The following FAF1 variants were observed in gnomAD, a reference collection of about 807,000 sequenced individuals.
The protein encoded by FAF1 is Fas associated factor 1, also known as FAS-associated factor 1.
FAF1 carries 25 observed loss-of-function variants against 92.5 expected under a neutral mutation model. That is an observed-to-expected ratio of 0.27 (90% CI 0.20 to 0.38). FAF1 has a LOEUF of 0.38. FAF1 is among the 10% of genes least tolerant of loss of function. The probability of loss-of-function intolerance (pLI) is 1.00; values close to 1 mark genes in which losing one functional copy is unlikely to be tolerated. For missense variants in FAF1, 636 were observed against 793.3 expected (o/e 0.80, Z 2.38); for synonymous variants, 234 against 273.2 (o/e 0.86, Z 1.42).
At chr1:50,566,518 A>G (rs2149056030) in intron 13 of FAF1, among the ~76,000 whole-genome samples, 1 of 152,206 alleles carries the variant, frequency 6.6e-6, no homozygotes, top group Non-Finnish European at 1.5e-5. Flanking sequence ...TTAACAAACT[A>G]AGTAAACTCA....
At chr1:50,504,190 A>G (rs1242703294) in intron 15 of FAF1, among the ~76,000 whole-genome samples, 1 of 152,068 alleles carries the variant, frequency 6.6e-6, no homozygotes, top group Non-Finnish European at 1.5e-5. Context: ...ACACAGAAAG[A>G]TACAGAGAAA....
At chr1:50,854,993 A>C (rs1342903337) in intron 2 of FAF1, among the ~76,000 whole-genome samples, 1 of 151,750 alleles carries the variant, frequency 6.6e-6, no homozygotes, top group Non-Finnish European at 1.5e-5. Flanking sequence ...GCTCGATGGA[A>C]CATTTTGGAT....
intron 1 of FAF1, among the ~76,000 whole-genome samples, chr1:50,943,798 G>T (rs1363418598): frequency 2.6e-5 from 4 of 152,218 alleles, no homozygotes; most frequent in African/African-American, 9.6e-5. Context: ...GAAGGTCCAT[G>T]TTTCTAGGAG....
At chr1:50,473,859 G>C (rs972492220) in intron 18 of FAF1, among the ~76,000 whole-genome samples, 1 of 152,110 alleles carries the variant, frequency 6.6e-6, no homozygotes, top group African/African-American at 2.4e-5. Flanking sequence ...CAATGTGAGG[G>C]ACTTAGATGT....
intron 2 of FAF1, among the ~76,000 whole-genome samples, chr1:50,839,908 C>T (rs1644242085): frequency 4.6e-5 from 7 of 152,012 alleles, no homozygotes; most frequent in Admixed American, 3.3e-4. Context: ...TACTTCAATA[C>T]TATGAACAAA....
chr1:50,790,017 G>T (rs905451142), intron 3 of FAF1, among the ~76,000 whole-genome samples: 5 of 152,096 alleles, frequency 3.3e-5, no homozygotes, highest in Non-Finnish European at 7.3e-5. Flanking sequence ...CAGATTGAAT[G>T]TTTTTCAACT....
At chr1:50,873,918 G>A (rs1243713243) in intron 1 of FAF1, among the ~76,000 whole-genome samples, 1 of 152,174 alleles carries the variant, frequency 6.6e-6, no homozygotes, top group Non-Finnish European at 1.5e-5. Flanking sequence ...CTAGAGAACA[G>A]AGGTCTTATA....
At chr1:50,531,243 A>G (rs1648149912) in intron 15 of FAF1, among the ~76,000 whole-genome samples, 1 of 152,174 alleles carries the variant, frequency 6.6e-6, no homozygotes, top group African/African-American at 2.4e-5. Context: ...TTACCGAGCT[A>G]TTGTTCAGAT....
rs1381023052 is a variant in FAF1 at position 50,815,835 on chromosome 1, C to T, written c.115-14158G>A. Among the ~76,000 whole-genome samples, 6 of 151,986 alleles carry T rather than the reference C, an allele frequency of 3.9e-5. No individual in the cohort carries two copies. In the East Asian group the frequency reaches 1.2e-3, roughly 29 times the overall value. On this transcript the variant is annotated intron_variant, in intron 2 of 18. Transcript: ENST00000396153. ...GGTTAGGAGTTCGAGACCAGCCTGG[C>T]CAACATGGTGAAACCCTGTCTCTAC...
At chr1:50,871,016 T>C (rs1029167675) in intron 1 of FAF1, among the ~76,000 whole-genome samples, 8 of 152,164 alleles carry the variant, frequency 5.3e-5, no homozygotes, top group Non-Finnish European at 7.3e-5. Flanking sequence ...AATATACAAA[T>C]AATAAGAAAG....
At chr1:50,715,994 T>A (rs769773685) in intron 6 of FAF1, among the ~76,000 whole-genome samples, 33 of 152,344 alleles carry the variant, frequency 2.2e-4, no homozygotes, top group Non-Finnish European at 3.7e-4. Flanking sequence ...ACACTCTTTA[T>A]TGTCTTGACT....
intron 4 of FAF1, among the ~76,000 whole-genome samples, chr1:50,769,392 T>C (rs1660696867): frequency 6.6e-6 from 1 of 152,192 alleles, no homozygotes; most frequent in Non-Finnish European, 1.5e-5. Flanking sequence ...TTGTTCCTAC[T>C]AAAACCATTC....
At chr1:50,502,083 T>A (rs1245300460) in intron 15 of FAF1, among the ~76,000 whole-genome samples, 3 of 152,192 alleles carry the variant, frequency 2.0e-5, no homozygotes, top group Non-Finnish European at 4.4e-5. Flanking sequence ...AATGTAACTA[T>A]TTATCATCAT....
At chr1:50,640,829 ATTTTTTTTTTTTT>A (rs71059592) in intron 8 of FAF1, among the ~76,000 whole-genome samples, 3 of 88,504 alleles carry the variant, frequency 3.4e-5, no homozygotes, top group Non-Finnish European at 6.0e-5. Context: ...TTATCAGCTG[ATTTTTTTTTTTTT>A]TTTTTTTTTT....
chr1:50,959,710 T>C, intron 1 of FAF1, 57 bp downstream of exon 1: 1 of 1,477,554 alleles, frequency 6.8e-7, no homozygotes, highest in Non-Finnish European at 9.3e-7. Context: ...GACTCCCTTG[T>C]GGCACCGGAA....
At chr1:50,774,247 A>G (rs1378440411) in intron 4 of FAF1, among the ~76,000 whole-genome samples, 2 of 152,154 alleles carry the variant, frequency 1.3e-5, no homozygotes, top group African/African-American at 4.8e-5. Flanking sequence ...GACACACAAA[A>G]TTGTCACTCT....
chr1:50,495,587 CTT>C (rs978767701), intron 15 of FAF1, among the ~76,000 whole-genome samples: 5 of 152,198 alleles, frequency 3.3e-5, no homozygotes, highest in African/African-American at 1.2e-4. Flanking sequence ...ACAGATATCT[CTT>C]TGATATACTG....
intron 1 of FAF1, among the ~76,000 whole-genome samples, chr1:50,868,494 T>C (rs577852702): frequency 6.6e-6 from 1 of 152,298 alleles, no homozygotes; most frequent in South Asian, 2.1e-4. Flanking sequence ...GGTGGAAGTA[T>C]AGAGCAATGA....
In FAF1 at chr1:50,738,895, A is replaced by C; in HGVS notation, c.519T>G (p.Asp173Glu). 1.9e-6 allele frequency: 3 copies of C among 1,610,224 alleles called. No individual in the cohort carries two copies. In the South Asian group the frequency reaches 3.3e-5, roughly 18 times the overall value. The change falls in exon 6 of 19, where the codon GAT becomes GAG. Residue 173 changes from aspartate (D) to glutamate (E), a missense_variant. By Grantham distance (45) the Asp-to-Glu change is conservative (BLOSUM62 2). Transcript: ENST00000396153. Reference protein sequence around the residue: ...KNNSLYVLTPDLPPPSSSSHA... With the variant: ...KNNSLYVLTPELPPPSSSSHA... Reference sequence around the variant, plus strand: ...GACTAGATGATGAAGGTGGTGGCAAATCTGGTGTAAGGACATAAAGACTGT... The same window carrying C: ...GACTAGATGATGAAGGTGGTGGCAACTCTGGTGTAAGGACATAAAGACTGT...
Sources: gnomAD v4.1 joint callset for allele counts (sites outside exome capture counted in the v4.1 genomes callset) on GRCh38, gnomAD v4.1.1 for gene constraint, MANE v1.5 for transcripts, NCBI Gene and HGNC (gene_info 2026-07-23, HGNC 2026-07-21) for gene names.